The following CDK8 variants were observed in gnomAD, a reference collection of about 807,000 sequenced individuals.
The protein encoded by CDK8 is cyclin dependent kinase 8, also known as cyclin-dependent kinase 8.
A neutral mutation model predicts 71.5 loss-of-function variants in CDK8; 29 were observed. That is an observed-to-expected ratio of 0.41 (90% confidence interval 0.30 to 0.55). The LOEUF is 0.55. Among genes scored for constraint, CDK8 ranks in the 20% least tolerant of loss-of-function variants. The pLI is 0.37. For synonymous variants in CDK8, 161 were observed against 192.1 expected (o/e 0.84, Z 1.34); for missense variants, 288 against 572.6 (o/e 0.50, Z 5.07).
intron 4 of CDK8, among the ~76,000 whole-genome samples, chr13:26,377,629 G>A (rs1289314020): frequency 6.6e-6 from 1 of 151,992 alleles, no homozygotes; most frequent in Non-Finnish European, 1.5e-5. Context: ...AGTACTAGTG[G>A]AGTAAACTTC....
chr13:26,257,303 A>G (rs1871566366), intron 1 of CDK8, among the ~76,000 whole-genome samples: 1 of 152,222 alleles, frequency 6.6e-6, no homozygotes, highest in African/African-American at 2.4e-5. Context: ...TCAGTTGCCC[A>G]GTGAGCATAG....
intron 7 of CDK8, among the ~76,000 whole-genome samples, chr13:26,395,006 A>G (rs1006280950): frequency 2.0e-5 from 3 of 152,254 alleles, no homozygotes; most frequent in African/African-American, 7.2e-5. Context: ...ACTAAAGATT[A>G]TCTTAAAATT....
chr13:26,385,049 A>G (rs961539005), intron 5 of CDK8, among the ~76,000 whole-genome samples, 162 bp from the exon 6 acceptor site: 2 of 152,198 alleles, frequency 1.3e-5, no homozygotes, highest in African/African-American at 4.8e-5. Context: ...GGAGCTTTCA[A>G]ACTTGCTTTA....
At chr13:26,278,506 A>C (rs1872633054) in intron 1 of CDK8, among the ~76,000 whole-genome samples, 2 of 152,152 alleles carry the variant, frequency 1.3e-5, no homozygotes, top group South Asian at 4.1e-4. Context: ...TGGCTTGAAT[A>C]ATTGACTCCA....
intron 1 of CDK8, among the ~76,000 whole-genome samples, chr13:26,322,554 TTTC>T (rs1437216828): frequency 6.6e-6 from 1 of 152,062 alleles, no homozygotes; most frequent in Non-Finnish European, 1.5e-5. Context: ...AAGGGGCAGG[TTTC>T]TTCTTGCCAG....
rs2137842973 is a variant in CDK8 at position 26,254,810 on chromosome 13, G to A, written c.128+41G>A. On this transcript the variant is annotated intron_variant, in intron 1 of 12. Transcript: ENST00000381527. The surrounding 1 kb of genome is among the most constrained non-coding windows in gnomAD (Gnocchi z 6.7). ...TGGGCCGGTGTCCGCGCTGGGCGGC[G>A]CTCCCGCAGGCCGAGGCAGGTAGCC... The A allele has an allele frequency of 1.3e-6, 2 of 1,598,994 alleles. No individual in the cohort carries two copies. The highest frequency in any genetic ancestry group is 4.5e-5 in the East Asian group (2 of 44,062).
intron 4 of CDK8, among the ~76,000 whole-genome samples, chr13:26,366,177 C>T (rs539188011): frequency 7.5e-4 from 114 of 152,178 alleles, no homozygotes; most frequent in Middle Eastern, 3.4e-3. Context: ...CCACATAAAG[C>T]TTTCATTAAA....
chr13:26,390,111 A>G (rs919939301), intron 6 of CDK8, among the ~76,000 whole-genome samples: 2 of 152,222 alleles, frequency 1.3e-5, no homozygotes, highest in Non-Finnish European at 2.9e-5. Context: ...GAGGTAGCCT[A>G]AAGATTAAAA....
intron 1 of CDK8, among the ~76,000 whole-genome samples, chr13:26,293,561 C>T (rs892967628): frequency 2.2e-5 from 3 of 135,898 alleles, no homozygotes; most frequent in African/African-American, 8.6e-5. Flanking sequence ...GCCGAGATTG[C>T]ATCACTGACT....
chr13:26,392,479 C>T (rs774082922), intron 6 of CDK8, among the ~76,000 whole-genome samples: 13 of 151,884 alleles, frequency 8.6e-5, no homozygotes, highest in Non-Finnish European at 1.3e-4. Flanking sequence ...AGCCGCGTGC[C>T]GCCATGCCCA....
intron 6 of CDK8, among the ~76,000 whole-genome samples, chr13:26,385,761 A>G (rs1217487570): frequency 6.6e-6 from 1 of 152,108 alleles, no homozygotes; most frequent in Non-Finnish European, 1.5e-5. Flanking sequence ...TAAAAAATAA[A>G]AGTAAGAGCA....
intron 4 of CDK8, among the ~76,000 whole-genome samples, chr13:26,378,177 T>G (rs1875044191): frequency 6.6e-6 from 1 of 152,264 alleles, no homozygotes; most frequent in South Asian, 2.1e-4. Flanking sequence ...CGGATAGCTC[T>G]GATAAATGCT....
chr13:26,343,981 G>C (rs1157538420), intron 2 of CDK8, among the ~76,000 whole-genome samples: 2 of 152,038 alleles, frequency 1.3e-5, no homozygotes, highest in Admixed American at 1.3e-4. Flanking sequence ...TTTGGTGTGG[G>C]AATGATCTCA....
At chr13:26,301,891 T>C (rs1270375039) in intron 1 of CDK8, among the ~76,000 whole-genome samples, 6 of 152,218 alleles carry the variant, frequency 3.9e-5, no homozygotes, top group African/African-American at 1.4e-4. Flanking sequence ...CTGAGTCTTA[T>C]CCTGCTTTTG....
At chr13:26,284,893 A>G (rs1872928662) in intron 1 of CDK8, among the ~76,000 whole-genome samples, 1 of 151,992 alleles carries the variant, frequency 6.6e-6, no homozygotes, top group African/African-American at 2.4e-5. Context: ...GAGGAAGGAA[A>G]AGAAAACCAC....
At chr13:26,322,676 A>T (rs1422823656) in intron 1 of CDK8, among the ~76,000 whole-genome samples, 1 of 152,204 alleles carries the variant, frequency 6.6e-6, no homozygotes, top group African/African-American at 2.4e-5. Context: ...TATTGAAAAT[A>T]GCAAAATTTA....
chr13:26,403,973 T>G lies in CDK8; in HGVS notation c.1287T>G (p.Ala429=), dbSNP rs780806216. 14 of 1,613,006 alleles carry G rather than the reference T, an allele frequency of 8.7e-6. No homozygotes were observed. Among genetic ancestry groups the G allele is most frequent in the Non-Finnish European group, 1.2e-5 (14 of 1,180,004 alleles). ...CTTTCCAGCGTTCCAATCCACATGCTGCCTATCCCAACCCTGGACCAAGCA... is the reference window on the plus strand; with the variant it reads ...CTTTCCAGCGTTCCAATCCACATGCGGCCTATCCCAACCCTGGACCAAGCA... ...TSDYQRSNPH[A]AYPNPGPSTS... Residue 429 remains alanine, a synonymous_variant, in exon 13 of 13, where the codon GCT becomes GCG. Transcript: ENST00000381527.
intron 1 of CDK8, among the ~76,000 whole-genome samples, chr13:26,329,123 C>T (rs1032839212): frequency 1.3e-5 from 2 of 152,088 alleles, no homozygotes; most frequent in Non-Finnish European, 2.9e-5. Context: ...TTATACTTAT[C>T]GTCCTTATGT....
At chr13:26,340,343 G>T (rs1457655596) in intron 2 of CDK8, among the ~76,000 whole-genome samples, 3 of 152,080 alleles carry the variant, frequency 2.0e-5, no homozygotes, top group Non-Finnish European at 4.4e-5. Context: ...AGAGAAAAGA[G>T]ACCTTGTATT....
Sources: gnomAD v4.1 joint callset for allele counts (sites outside exome capture counted in the v4.1 genomes callset) on GRCh38, gnomAD v4.1.1 for gene constraint, Gnocchi (gnomAD v3.1) non-coding constraint, MANE v1.5 for transcripts, NCBI Gene and HGNC (gene_info 2026-07-23, HGNC 2026-07-21) for gene names.